The following PCDH15 variants were observed in gnomAD, a reference collection of about 807,000 sequenced individuals.
PCDH15 encodes the protein protocadherin related 15.
PCDH15 carries 129 observed loss-of-function variants against 178.5 expected under a neutral mutation model. The observed-to-expected ratio is 0.72, with a 90% CI of 0.63 to 0.84. PCDH15 has a LOEUF of 0.84. Ranked by LOEUF, PCDH15 falls within the 40% of genes least tolerant of loss-of-function variation. The probability of loss-of-function intolerance (pLI) is 0.00; values close to 1 mark genes in which losing one functional copy is unlikely to be tolerated. For missense variants in PCDH15, 2,230 were observed against 2,099.9 expected (o/e 1.06, Z -1.21); for synonymous variants, 800 against 732.0 (o/e 1.09, Z -1.50).
chr10:54,445,672 G>A (rs911911353), intron 3 of PCDH15, among the ~76,000 whole-genome samples: 2 of 151,202 alleles, frequency 1.3e-5, no homozygotes, highest in African/African-American at 4.8e-5. Context: ...ACTAGATATT[G>A]CTGAATGTCT....
intron 13 of PCDH15, among the ~76,000 whole-genome samples, chr10:54,170,159 A>G (rs1270581654): frequency 6.9e-6 from 1 of 144,092 alleles, no homozygotes; most frequent in Non-Finnish European, 1.5e-5. Flanking sequence ...ATCAAGCCCA[A>G]ATTTCTTCCT....
chr10:54,483,045 T>C (rs148620956), intron 3 of PCDH15, among the ~76,000 whole-genome samples: 1,591 of 151,860 alleles, frequency 0.01, 11 homozygotes, highest in Middle Eastern at 0.02. Context: ...AAGATAACAG[T>C]AGTCAAACAG....
intron 2 of PCDH15, among the ~76,000 whole-genome samples, chr10:55,097,552 T>C (rs573089218): frequency 1.3e-5 from 2 of 152,270 alleles, no homozygotes; most frequent in East Asian, 1.9e-4. Flanking sequence ...AATTAAAGGA[T>C]AGAAAACTAA....
At chr10:55,338,075 T>C (rs1321051854) in intron 2 of PCDH15, among the ~76,000 whole-genome samples, 1 of 152,096 alleles carries the variant, frequency 6.6e-6, no homozygotes, top group Non-Finnish European at 1.5e-5. Flanking sequence ...TAATAATCAT[T>C]AGAGAAATGC....
chr10:54,621,779 A>T lies in PCDH15; in HGVS notation c.91+42393T>A, dbSNP rs140895677. 1.8e-4 allele frequency among the ~76,000 whole-genome samples: 27 copies of T among 152,156 alleles called. No individual in the cohort carries two copies. The East Asian group carries it at 3.5e-3, about 20-fold the overall frequency. On this transcript the variant is annotated intron_variant, in intron 2 of 37. Transcript: ENST00000644397. ...GTGATTAAACAGAGTCACGCAGAAA[A>T]TAATGAATGCAAAAATGTGGGCAGG...
intron 1 of PCDH15, among the ~76,000 whole-genome samples, chr10:54,695,330 C>CT (rs2135859210): frequency 6.6e-6 from 1 of 152,250 alleles, no homozygotes; most frequent in African/African-American, 2.4e-5. Flanking sequence ...AGAACAAGGC[C>CT]TTAACTCTCT....
chr10:55,121,118 G>A (rs892502649), intron 2 of PCDH15, among the ~76,000 whole-genome samples: 1 of 152,080 alleles, frequency 6.6e-6, no homozygotes, highest in Admixed American at 6.6e-5. Flanking sequence ...CCGAACTCAT[G>A]GGGATGCGGT....
intron 5 of PCDH15, among the ~76,000 whole-genome samples, chr10:54,359,786 A>C (rs1020314359): frequency 6.6e-6 from 1 of 151,790 alleles, no homozygotes; most frequent in African/African-American, 2.4e-5. Flanking sequence ...AAAATCATTA[A>C]AAATGTTTTT....
chr10:54,592,654 A>G (rs1437733201), intron 2 of PCDH15, among the ~76,000 whole-genome samples: 1 of 152,184 alleles, frequency 6.6e-6, no homozygotes, highest in African/African-American at 2.4e-5. Context: ...GCTGAAATGA[A>G]AACTAAAGCA....
chr10:54,046,762 A>G (rs773751328), intron 18 of PCDH15, among the ~76,000 whole-genome samples: 1 of 152,126 alleles, frequency 6.6e-6, no homozygotes, highest in Admixed American at 6.6e-5. Flanking sequence ...ATAATAATAT[A>G]CTAAACTGTA....
At chr10:55,146,048 T>G (rs893228240) in intron 2 of PCDH15, among the ~76,000 whole-genome samples, 1 of 151,742 alleles carries the variant, frequency 6.6e-6, no homozygotes, top group Non-Finnish European at 1.5e-5. Context: ...GCTTTTTTTC[T>G]GTATAATCAG....
intron 3 of PCDH15, among the ~76,000 whole-genome samples, chr10:54,862,427 CAA>C (rs1331814506): frequency 6.6e-6 from 1 of 152,036 alleles, no homozygotes; most frequent in African/African-American, 2.4e-5. Flanking sequence ...TGTGGGAAAA[CAA>C]TTTTATTTTA....
chr10:54,608,463 T>A (rs931757243), intron 2 of PCDH15, among the ~76,000 whole-genome samples: 4 of 151,814 alleles, frequency 2.6e-5, no homozygotes, highest in African/African-American at 9.7e-5. Flanking sequence ...TAATAATAAT[T>A]ATCTGGGTGT....
chr10:54,383,078 C>A (rs1949432332), intron 3 of PCDH15, among the ~76,000 whole-genome samples: 2 of 151,966 alleles, frequency 1.3e-5, no homozygotes, highest in African/African-American at 4.8e-5. Context: ...ATTTTTCATC[C>A]TACAGCTACT....
intron 2 of PCDH15, among the ~76,000 whole-genome samples, chr10:54,925,794 G>A (rs1482544712): frequency 6.6e-6 from 1 of 152,118 alleles, no homozygotes; most frequent in Non-Finnish European, 1.5e-5. Context: ...TGTTTATTTT[G>A]TATCCTGAGT....
intron 1 of PCDH15, among the ~76,000 whole-genome samples, chr10:55,281,775 G>T (rs1007036750): frequency 7.2e-5 from 11 of 152,100 alleles, no homozygotes; most frequent in Non-Finnish European, 2.9e-5. Context: ...TACACAAAAA[G>T]AGTCCTATTC....
intron 2 of PCDH15, among the ~76,000 whole-genome samples, chr10:55,352,364 C>G (rs1457347959): frequency 6.6e-6 from 1 of 152,090 alleles, no homozygotes; most frequent in South Asian, 2.1e-4. Context: ...CAACTTCAAA[C>G]ATGAACGATG....
intron 2 of PCDH15, among the ~76,000 whole-genome samples, chr10:54,915,964 G>A (rs891457745): frequency 6.6e-6 from 1 of 152,142 alleles, no homozygotes; most frequent in Non-Finnish European, 1.5e-5. Context: ...AAGTAGCTCA[G>A]CTCACAGGCA....
At chr10:55,306,356 T>C (rs114933669) in intron 1 of PCDH15, among the ~76,000 whole-genome samples, 1 of 152,210 alleles carries the variant, frequency 6.6e-6, no homozygotes, top group Non-Finnish European at 1.5e-5. Context: ...CGATGAAATG[T>C]TTTTCCCCTT....
Sources: allele counts gnomAD v4.1 joint callset (sites outside exome capture counted in the v4.1 genomes callset), GRCh38; gene constraint gnomAD v4.1.1; transcripts MANE v1.5; gene names NCBI Gene and HGNC (gene_info 2026-07-23, HGNC 2026-07-21).